SAMD12: variants seen among roughly 807,000 people sequenced by gnomAD.
SAMD12 encodes sterile alpha motif domain containing 12, also known as sterile alpha motif domain-containing protein 12.
SAMD12 carries 9 observed loss-of-function variants against 15.0 expected under a neutral mutation model. The ratio of observed to expected loss-of-function variants is 0.60; its 90% CI spans 0.36 to 1.05. The LOEUF is 1.05. Among genes scored for constraint, SAMD12 ranks in the 50% least tolerant of loss-of-function variants. SAMD12 has a pLI of 0.01. For missense variants in SAMD12, 230 were observed against 234.2 expected (o/e 0.98, Z 0.12); for synonymous variants, 86 against 90.1 (o/e 0.96, Z 0.25).
At chr8:118,272,524 C>T (rs1384176649) in intron 4 of SAMD12, among the ~76,000 whole-genome samples, 5 of 152,230 alleles carry the variant, frequency 3.3e-5, no homozygotes, top group Admixed American at 1.3e-4. Flanking sequence ...ATTTCTGCAG[C>T]TGGCTTGAAT....
At chr8:118,535,379 A>G (rs1459307680) in intron 2 of SAMD12, among the ~76,000 whole-genome samples, 1 of 152,122 alleles carries the variant, frequency 6.6e-6, no homozygotes, top group Non-Finnish European at 1.5e-5. Flanking sequence ...CCTCCCAGTT[A>G]GGCTACTCAG....
intron 4 of SAMD12, among the ~76,000 whole-genome samples, chr8:118,298,482 C>T (rs1292059534): frequency 6.6e-5 from 10 of 152,048 alleles, no homozygotes; most frequent in South Asian, 4.2e-4. Flanking sequence ...TTCTGATCCC[C>T]GATTTCTGCC....
chr8:118,550,456 T>C (rs1826290749), intron 2 of SAMD12, among the ~76,000 whole-genome samples: 1 of 152,106 alleles, frequency 6.6e-6, no homozygotes, highest in South Asian at 2.1e-4. Flanking sequence ...AGAAATAAAA[T>C]ACTTTACAGA....
intron 4 of SAMD12, among the ~76,000 whole-genome samples, chr8:118,262,331 C>T (rs1231078959): frequency 3.3e-5 from 5 of 152,120 alleles, no homozygotes; most frequent in African/African-American, 1.2e-4. Context: ...GAAACAATTT[C>T]ACACATTTTC....
intron 4 of SAMD12, among the ~76,000 whole-genome samples, chr8:118,362,725 G>A (rs944651725): frequency 6.6e-6 from 1 of 152,170 alleles, no homozygotes; most frequent in East Asian, 1.9e-4. Context: ...CATGGTCACT[G>A]TTAATAAATT....
intron 2 of SAMD12, among the ~76,000 whole-genome samples, chr8:118,561,414 C>T (rs1015813138): frequency 6.6e-6 from 1 of 152,140 alleles, no homozygotes; most frequent in African/African-American, 2.4e-5. Context: ...TGTCCATTCT[C>T]ATATTCTCAT....
chr8:118,378,215 T>A lies in SAMD12; in HGVS notation c.*1202A>T, dbSNP rs1345302139. ...TAACTGGGCATTATACTGAATCTTA[T>A]GAATTTAAGCAGAATTACTTGATTC... On this transcript the variant is annotated 3_prime_UTR_variant, in exon 4 of 4. Transcript: ENST00000314727. The A allele has an allele frequency of 1.2e-5, 2 of 165,674 alleles. No homozygotes were observed. The highest frequency in any genetic ancestry group is 6.5e-5 in the Admixed American group (1 of 15,286). The allele number at this position is 165,674 out of a possible 1,614,324, so 10.3% of individuals were successfully genotyped here.
At chr8:118,197,537 G>A in exon 5 of SAMD12, 1 of 693,508 alleles carries the variant, frequency 1.4e-6, no homozygotes, top group African/African-American at 1.8e-5. Context: ...AGCAAAGCAA[G>A]ATTTTTCCAA....
intron 2 of SAMD12, among the ~76,000 whole-genome samples, chr8:118,441,167 TA>T (rs36107531): frequency 6.6e-6 from 1 of 152,032 alleles, no homozygotes; most frequent in Non-Finnish European, 1.5e-5. Context: ...CTCAGAATCT[TA>T]AAAAAAGGTA....
At chr8:118,231,951 G>A (rs1812318320) in intron 4 of SAMD12, among the ~76,000 whole-genome samples, 1 of 151,962 alleles carries the variant, frequency 6.6e-6, no homozygotes, top group African/African-American at 2.4e-5. Context: ...CTTTCCAGCT[G>A]GATTGAATGG....
intron 3 of SAMD12, among the ~76,000 whole-genome samples, chr8:118,380,561 G>A (rs1240722927): frequency 1.3e-5 from 2 of 152,146 alleles, no homozygotes; most frequent in Non-Finnish European, 2.9e-5. Context: ...TTTCCATTTT[G>A]AGGGTTTACT....
rs574212290 is a variant in SAMD12, at chr8:118,228,164, C to T, written c.434-30432G>A. Among the ~76,000 whole-genome samples the T allele has an allele frequency of 2.0e-5, 3 of 152,220 alleles. No homozygotes were observed. In the South Asian group the frequency reaches 6.2e-4, roughly 32 times the overall value. ...ATGGATTAAAGACTTAAACCTAAGACCTGAAGCTAAAAATTCTAGAAAATA... is the reference window on the plus strand; with the variant it reads ...ATGGATTAAAGACTTAAACCTAAGATCTGAAGCTAAAAATTCTAGAAAATA... On this transcript the variant is annotated intron_variant, in intron 4 of 4. Coordinates refer to the SAMD12 transcript ENST00000409003.
intron 4 of SAMD12, among the ~76,000 whole-genome samples, chr8:118,370,989 G>A (rs1247283428): frequency 6.6e-6 from 1 of 152,006 alleles, no homozygotes; most frequent in East Asian, 1.9e-4. Flanking sequence ...GAGAATGATT[G>A]GTTCTGCCTG....
intron 4 of SAMD12, among the ~76,000 whole-genome samples, chr8:118,301,002 T>A (rs1814992067): frequency 6.6e-6 from 1 of 152,216 alleles, no homozygotes; most frequent in Non-Finnish European, 1.5e-5. Context: ...TGTAAGCATT[T>A]CTTAAAGGTT....
rs186906683 is a variant in SAMD12 at position 118,456,039 on chromosome 8, C to T, written c.193-16078G>A. ...CAGAGTAAACTTATAAATATGTAAACCTGATTGGGTCCTTCAGTGGCTTTC... is the reference window on the plus strand; with the variant it reads ...CAGAGTAAACTTATAAATATGTAAATCTGATTGGGTCCTTCAGTGGCTTTC... On this transcript the variant is annotated intron_variant, in intron 2 of 3. Coordinates refer to ENST00000314727, the MANE Select transcript of SAMD12 (RefSeq NM_207506.3). 3.8e-4 allele frequency among the ~76,000 whole-genome samples: 58 copies of T among 152,320 alleles called. 1 individual carries two copies. The East Asian group carries it at 0.011, about 29-fold the overall frequency.
At chr8:118,184,503 C>CT (rs869231070), downstream of SAMD12, among the ~76,000 whole-genome samples, 3 of 119,468 alleles carry the variant, frequency 2.5e-5, no homozygotes, top group African/African-American at 7.9e-5. Flanking sequence ...TTCTTTCTTT[C>CT]TTTTTTTTCT....
intron 4 of SAMD12, among the ~76,000 whole-genome samples, chr8:118,249,820 A>T (rs1812779384): frequency 6.6e-6 from 1 of 152,086 alleles, no homozygotes; most frequent in Admixed American, 6.6e-5. Flanking sequence ...TGTAAATGGG[A>T]TTATTTTTCA....
intron 4 of SAMD12, among the ~76,000 whole-genome samples, chr8:118,240,271 A>G (rs1812534971): frequency 6.6e-6 from 1 of 152,150 alleles, no homozygotes; most frequent in Admixed American, 6.5e-5. Context: ...GTCAAGAAAG[A>G]CTGCATCAGA....
At chr8:118,365,512 T>C (rs1268733966) in intron 4 of SAMD12, among the ~76,000 whole-genome samples, 1 of 152,100 alleles carries the variant, frequency 6.6e-6, no homozygotes, top group Non-Finnish European at 1.5e-5. Flanking sequence ...CCTTTTGCCC[T>C]TGGACACTGT....
Sources: gnomAD v4.1 joint callset for allele counts (sites outside exome capture counted in the v4.1 genomes callset) on GRCh38, gnomAD v4.1.1 for gene constraint, MANE v1.5 for transcripts, NCBI Gene and HGNC (gene_info 2026-07-23, HGNC 2026-07-21) for gene names.